PRTFDC1: variants seen among roughly 807,000 people sequenced by gnomAD.
PRTFDC1 encodes phosphoribosyl transferase domain containing 1.
Under a neutral mutation model 34.6 loss-of-function variants are expected in PRTFDC1, and 38 were observed. That is an observed-to-expected ratio of 1.10 (90% CI 0.85 to 1.44). The LOEUF is 1.44. PRTFDC1 is among the 40% of genes most tolerant of loss of function. The probability of loss-of-function intolerance (pLI) is 0.00; values close to 1 mark genes in which losing one functional copy is unlikely to be tolerated. For synonymous variants in PRTFDC1, 93 were observed against 98.1 expected, an observed-to-expected ratio of 0.95 and a Z score of 0.31; for missense variants, 270 against 283.0, an observed-to-expected ratio of 0.95 and a Z score of 0.33.
intron 3 of PRTFDC1, among the ~76,000 whole-genome samples, chr10:24,934,241 GAA>G (rs779646145): frequency 0.21 from 21,591 of 103,498 alleles, 1,597 homozygotes; most frequent in Non-Finnish European, 0.24. Flanking sequence ...AGAAGAAGAA[GAA>G]GAAGGAGAAG....
chr10:24,891,135 A>G (rs1288596712), intron 3 of PRTFDC1, among the ~76,000 whole-genome samples: 1 of 152,226 alleles, frequency 6.6e-6, no homozygotes, highest in Non-Finnish European at 1.5e-5. Flanking sequence ...CAAGGGTTGA[A>G]GCTACATAGA....
chr10:24,907,724 C>T (rs1848558724), intron 3 of PRTFDC1, among the ~76,000 whole-genome samples: 1 of 152,142 alleles, frequency 6.6e-6, no homozygotes, highest in Admixed American at 6.5e-5. Flanking sequence ...TTCTGAATAT[C>T]CTGGGTAGCT....
chr10:24,931,474 A>C (rs1258228856), intron 3 of PRTFDC1, among the ~76,000 whole-genome samples: 3 of 152,050 alleles, frequency 2.0e-5, no homozygotes, highest in African/African-American at 7.2e-5. Context: ...AAAATTGAAA[A>C]ACCTTTAGGC....
intron 6 of PRTFDC1, 91 bp downstream of exon 6, chr10:24,856,822 T>C (rs974348143): frequency 1.7e-6 from 2 of 1,203,030 alleles, no homozygotes; most frequent in Admixed American, 1.7e-5. Flanking sequence ...TGGAATATAT[T>C]ACACTCTTTG....
At chr10:24,850,547 G>A (rs986602287) in intron 8 of PRTFDC1, among the ~76,000 whole-genome samples, 7 of 152,102 alleles carry the variant, frequency 4.6e-5, no homozygotes, top group African/African-American at 1.2e-4. Context: ...CGGGAGGATC[G>A]CTTGAGCCTG....
chr10:24,934,242 A>AAGG (rs1491527434), intron 3 of PRTFDC1, among the ~76,000 whole-genome samples: 1 of 63,272 alleles, frequency 1.6e-5, no homozygotes, highest in South Asian at 4.0e-4. Context: ...GAAGAAGAAG[A>AAGG]AGAAGGAGAA....
intron 3 of PRTFDC1, among the ~76,000 whole-genome samples, chr10:24,884,193 TTAAA>T (rs1175908235): frequency 3.3e-5 from 5 of 152,058 alleles, no homozygotes; most frequent in African/African-American, 1.2e-4. Context: ...GAATTATCAC[TTAAA>T]TAATTAAATG....
At chr10:24,850,922 G>A (rs1311461581) in intron 8 of PRTFDC1, among the ~76,000 whole-genome samples, 2 of 152,130 alleles carry the variant, frequency 1.3e-5, no homozygotes, top group Non-Finnish European at 2.9e-5. Context: ...TGCAGTGTTG[G>A]TCAGGGTCAC....
intron 3 of PRTFDC1, among the ~76,000 whole-genome samples, chr10:24,917,581 T>A (rs1564312131): frequency 6.6e-6 from 1 of 152,176 alleles, no homozygotes; most frequent in Non-Finnish European, 1.5e-5. Flanking sequence ...TTTTTTAGTT[T>A]TATTTTGTTC....
intron 3 of PRTFDC1, among the ~76,000 whole-genome samples, chr10:24,930,614 C>T (rs942444711): frequency 3.3e-5 from 5 of 152,026 alleles, no homozygotes; most frequent in African/African-American, 1.2e-4. Flanking sequence ...GGAGACTGTA[C>T]ACTCCAGTGG....
chr10:24,931,443 T>C (rs1481958210), intron 3 of PRTFDC1, among the ~76,000 whole-genome samples: 1 of 151,868 alleles, frequency 6.6e-6, no homozygotes, highest in Non-Finnish European at 1.5e-5. Context: ...AAGCAACAAA[T>C]TGGTTCTTTG....
intron 4 of PRTFDC1, among the ~76,000 whole-genome samples, chr10:24,867,076 T>C (rs1256928042): frequency 6.6e-6 from 1 of 151,812 alleles, no homozygotes; most frequent in African/African-American, 2.4e-5. Flanking sequence ...TAGAGTCTCC[T>C]TTTTTTCTAA....
chr10:24,850,266 G>T (rs1847461087), intron 8 of PRTFDC1, among the ~76,000 whole-genome samples: 1 of 152,110 alleles, frequency 6.6e-6, no homozygotes, highest in South Asian at 2.1e-4. Context: ...AACCCTTTTT[G>T]GGCAACAAGC....
Position 24,937,198 on chromosome 10 carries a change from G to T in PRTFDC1, c.325C>A (p.Leu109Ile), listed in dbSNP as rs1162640912. 1 of 1,612,114 alleles carries T rather than the reference G, an allele frequency of 6.2e-7. No homozygotes were observed. The highest frequency in any genetic ancestry group is 8.5e-7 in the Non-Finnish European group (1 of 1,179,454). The change falls in exon 3 of 9, where the codon CTA becomes ATA. Residue 109 changes from leucine to isoleucine, a missense_variant. Physicochemically the swap from Leu to Ile is conservative, Grantham distance 5 (BLOSUM62 2). Transcript: ENST00000320152. ...TAATAACTTACCCTGTAACTTTTTA[G>T]TCTGATGAAATCAACCTTCATTGAG... ...FVSMKVDFIR[L>I]KSYRNDQSMG...
At chr10:24,870,541 A>G (rs1478271542) in intron 4 of PRTFDC1, among the ~76,000 whole-genome samples, 1 of 152,212 alleles carries the variant, frequency 6.6e-6, no homozygotes, top group African/African-American at 2.4e-5. Context: ...CCTACAATAA[A>G]ATGCTAAAAT....
rs77303122 is a variant in PRTFDC1 at position 24,894,857 on chromosome 10, A to G, written c.340-22794T>C. Among the ~76,000 whole-genome samples, 1,100 of 152,228 alleles carry G rather than the reference A, an allele frequency of 7.2e-3. 18 individuals are homozygous for G. The highest frequency in any genetic ancestry group is 0.025 in the African/African-American group (1,046 of 41,538). ...GGCAAATGAACCCTTTTGAGCCCCA[A>G]ATGCAGCCTGGCTCAGAGTGGGCAT... On this transcript the variant is annotated intron_variant, in intron 3 of 8. Coordinates refer to ENST00000320152, the MANE Select transcript of PRTFDC1 (RefSeq NM_020200.7).
intron 1 of PRTFDC1, among the ~76,000 whole-genome samples, chr10:24,944,355 A>G (rs1417555125): frequency 2.0e-5 from 3 of 152,030 alleles, no homozygotes; most frequent in African/African-American, 7.2e-5. Context: ...CGGCACCTCC[A>G]CTGCTATTCC....
At chr10:24,912,294 AAG>A (rs1554764381) in intron 3 of PRTFDC1, among the ~76,000 whole-genome samples, 68 of 141,230 alleles carry the variant, frequency 4.8e-4, no homozygotes, top group African/African-American at 1.7e-3. Context: ...AAAAAAAAAA[AAG>A]AAAGAAATTG....
intron 2 of PRTFDC1, among the ~76,000 whole-genome samples, 188 bp from the exon 3 acceptor site, chr10:24,937,555 C>CTTTTTTTTTTTT (rs35562409): frequency 7.2e-6 from 1 of 139,002 alleles, no homozygotes; most frequent in Non-Finnish European, 1.6e-5. Context: ...AAACATACTG[C>CTTTTTTTTTTTT]TTTTTTTTTT....
Sources: gnomAD v4.1 joint callset for allele counts (sites outside exome capture counted in the v4.1 genomes callset) on GRCh38, gnomAD v4.1.1 for gene constraint, MANE v1.5 for transcripts, NCBI Gene and HGNC (gene_info 2026-07-23, HGNC 2026-07-21) for gene names.